FRMPD4: variants seen among roughly 807,000 people sequenced by gnomAD.
FRMPD4 encodes the protein FERM and PDZ domain-containing protein 4.
A neutral mutation model predicts 94.1 loss-of-function variants in FRMPD4; 22 were observed. The observed-to-expected ratio is 0.23, with a 90% CI of 0.17 to 0.33. The LOEUF is 0.33. Among genes scored for constraint, FRMPD4 ranks in the 10% least tolerant of loss-of-function variants. The pLI, the probability that FRMPD4 is intolerant of heterozygous loss-of-function variation, is 1.00. For missense variants in FRMPD4, 1,111 were observed against 1,339.9 expected (o/e 0.83, Z 2.67); for synonymous variants, 631 against 548.6 (o/e 1.15, Z -2.10).
At chrX:12,301,265 A>T (rs1322225439) in intron 1 of FRMPD4, among the ~76,000 whole-genome samples, 1 of 111,805 alleles carries the variant, frequency 8.9e-6, no homozygotes. Context: ...CAACAAGCAA[A>T]TCAGATCGTG....
chrX:12,439,553 A>C (rs1430941916), intron 1 of FRMPD4, among the ~76,000 whole-genome samples: 1 of 111,800 alleles, frequency 8.9e-6, no homozygotes, highest in African/African-American at 3.2e-5. Flanking sequence ...TCTCAGCAAG[A>C]GCCCGTGGTG....
chrX:12,455,982 C>T (rs1472932816), intron 1 of FRMPD4, among the ~76,000 whole-genome samples: 4 of 111,153 alleles, frequency 3.6e-5, no homozygotes, highest in South Asian at 7.7e-4. Context: ...TTAGTAGAGA[C>T]GGGGTTTCTC....
At chrX:12,560,801 G>A (rs1242694949) in intron 2 of FRMPD4, among the ~76,000 whole-genome samples, 3 of 71,564 alleles carry the variant, frequency 4.2e-5, no homozygotes, top group African/African-American at 1.1e-4. Context: ...ACGGAGTCTC[G>A]CTCTGTCGCC....
chrX:12,277,818 C>G (rs1363033013), intron 1 of FRMPD4, among the ~76,000 whole-genome samples: 1 of 112,179 alleles, frequency 8.9e-6, no homozygotes, highest in Admixed American at 9.4e-5. Context: ...TGGCACATCT[C>G]TATTTGGACT....
At chrX:12,104,773 A>G (rs1423826382) in intron 3 of FRMPD4, among the ~76,000 whole-genome samples, 2 of 112,013 alleles carry the variant, frequency 1.8e-5, no homozygotes, top group Non-Finnish European at 3.8e-5. Flanking sequence ...CTTATGAAAT[A>G]GATGTAACTG....
At chrX:12,231,411 C>G (rs12854437) in intron 1 of FRMPD4, among the ~76,000 whole-genome samples, 50,167 of 108,399 alleles carry the variant, frequency 0.46, 8,587 homozygotes, top group Non-Finnish European at 0.52. Flanking sequence ...TGGCTAGTCC[C>G]CCAGTAGTAG....
At chrX:11,827,512 T>C (rs1042266166) in intron 1 of FRMPD4, among the ~76,000 whole-genome samples, 10 of 111,547 alleles carry the variant, frequency 9.0e-5, no homozygotes, top group African/African-American at 2.9e-4. Context: ...TTTGCATAGA[T>C]GTCATCTTTA....
chrX:12,569,198 G>A (rs1468102994), intron 2 of FRMPD4, among the ~76,000 whole-genome samples: 1 of 111,388 alleles, frequency 9.0e-6, no homozygotes, highest in Non-Finnish European at 1.9e-5. Flanking sequence ...TTCATTATAA[G>A]TTACCCAGTC....
intron 2 of FRMPD4, among the ~76,000 whole-genome samples, chrX:12,560,209 TCTG>T (rs764091468): frequency 9.0e-6 from 1 of 111,529 alleles, no homozygotes; most frequent in Non-Finnish European, 1.9e-5. Flanking sequence ...TTCAAATACT[TCTG>T]CTTTCTCATC....
rs766903802 is a variant in FRMPD4 at position 12,701,864 on chromosome X, C to A, written c.934-10C>A. ...TTGACAAGCTGTGCCCCCTGCTGGT[C>A]TCTTCGCAGAGTTGTAACGATGTGG... On this transcript the variant is annotated splice_polypyrimidine_tract_variant and intron_variant, in intron 9 of 16. Transcript: ENST00000675598. 7 of 1,210,461 alleles carry A rather than the reference C, an allele frequency of 5.8e-6. No homozygotes were observed. Among genetic ancestry groups the A allele is most frequent in the Admixed American group, 4.3e-5 (2 of 46,050 alleles).
At position 12,723,050 on chromosome X, in the gene FRMPD4, GC is replaced by G. The variant is rs1483077851; in HGVS notation, c.*1194del. The G allele has an allele frequency of 2.7e-5, 3 of 110,402 alleles. No individual in the cohort carries two copies. The highest frequency in any genetic ancestry group is 5.7e-5 in the Non-Finnish European group (3 of 52,856). 9.1% of individuals were successfully genotyped at this position (110,402 alleles called of 1,213,427 possible). A position where few individuals can be genotyped will look rare whatever the true frequency, so the allele number is the denominator to read the frequency against. On this transcript the variant is annotated 3_prime_UTR_variant, in exon 17 of 17. Coordinates refer to ENST00000675598, the MANE Select transcript of FRMPD4 (RefSeq NM_001368397.1). ...AGAGATGGCTACTGTAATCATGGGA[GC>G]CATGAGTAAATAGTTAAGTATTTAT...
intron 1 of FRMPD4, among the ~76,000 whole-genome samples, chrX:12,433,513 T>G (rs986860050): frequency 9.0e-6 from 1 of 111,418 alleles, no homozygotes; most frequent in African/African-American, 3.3e-5. Flanking sequence ...GAATCAGGGG[T>G]GAAGATACTA....
At chrX:12,085,799 G>A (rs1280455295) in intron 3 of FRMPD4, among the ~76,000 whole-genome samples, 2 of 111,288 alleles carry the variant, frequency 1.8e-5, no homozygotes, top group Non-Finnish European at 1.9e-5. Flanking sequence ...AGCCCAAGAG[G>A]TTGAGGCTGT....
At chrX:12,263,281 C>T (rs139596746) in intron 1 of FRMPD4, among the ~76,000 whole-genome samples, 4,679 of 111,081 alleles carry the variant, frequency 0.042, 81 homozygotes, top group South Asian at 0.064. Context: ...TCCTTAGTCC[C>T]CCTGGTAAAC....
At chrX:12,709,442 T>TC (rs1201608050) in intron 13 of FRMPD4, among the ~76,000 whole-genome samples, 96 of 112,239 alleles carry the variant, frequency 8.6e-4, no homozygotes, top group African/African-American at 2.8e-3. Flanking sequence ...CACTTTTTTT[T>TC]CCCTATAAGC....
At chrX:12,618,204 T>C (rs900734294) in intron 4 of FRMPD4, among the ~76,000 whole-genome samples, 1 of 111,920 alleles carries the variant, frequency 8.9e-6, no homozygotes, top group South Asian at 3.7e-4. Context: ...TCTCCAAAAT[T>C]TTATTTTTAA....
At chrX:12,534,167 A>ACAAGCCT (rs1390568099) in intron 2 of FRMPD4, among the ~76,000 whole-genome samples, 1 of 113,016 alleles carries the variant, frequency 8.8e-6, no homozygotes, top group Non-Finnish European at 1.9e-5. Context: ...TTCAGAGGGT[A>ACAAGCCT]CAAGCCTCAA....
chrX:12,476,950 C>A (rs1312253071), intron 1 of FRMPD4, among the ~76,000 whole-genome samples: 1 of 110,033 alleles, frequency 9.1e-6, no homozygotes, highest in Non-Finnish European at 1.9e-5. Flanking sequence ...TTTGACCCAG[C>A]CTGGGTATAT....
At chrX:12,224,392 A>G (rs1245169405) in intron 1 of FRMPD4, among the ~76,000 whole-genome samples, 1 of 109,979 alleles carries the variant, frequency 9.1e-6, no homozygotes, top group African/African-American at 3.3e-5. Context: ...TGGGACTATA[A>G]TCGCACGCCA....
Sources: allele counts gnomAD v4.1 joint callset (sites outside exome capture counted in the v4.1 genomes callset), GRCh38; gene constraint gnomAD v4.1.1; transcripts MANE v1.5; gene names NCBI Gene and HGNC (gene_info 2026-07-23, HGNC 2026-07-21).